The following AGBL4 variants were observed in gnomAD, a reference collection of about 807,000 sequenced individuals.
AGBL4 encodes AGBL carboxypeptidase 4.
AGBL4 carries 58 observed loss-of-function variants against 66.4 expected under a neutral mutation model. The ratio of observed to expected loss-of-function variants is 0.87; its 90% confidence interval spans 0.71 to 1.09. The LOEUF is 1.09. Among genes scored for constraint, AGBL4 ranks in the 50% least tolerant of loss-of-function variants. The pLI, the probability that AGBL4 is intolerant of heterozygous loss-of-function variation, is 0.00. For missense variants in AGBL4, 579 were observed against 631.0 expected (o/e 0.92, Z 0.88); for synonymous variants, 234 against 222.9 (o/e 1.05, Z -0.44).
chr1:49,585,658 G>C (rs1459824517), intron 3 of AGBL4, among the ~76,000 whole-genome samples: 1 of 152,118 alleles, frequency 6.6e-6, no homozygotes. Flanking sequence ...ACACAGCTAA[G>C]TCATGTCTGA....
intron 6 of AGBL4, among the ~76,000 whole-genome samples, chr1:48,707,833 C>T (rs746474069): frequency 6.6e-6 from 1 of 152,124 alleles, no homozygotes; most frequent in Non-Finnish European, 1.5e-5. Flanking sequence ...ACATGCCTGA[C>T]CGGGGTGATT....
At chr1:49,199,611 A>G (rs979572458) in intron 4 of AGBL4, among the ~76,000 whole-genome samples, 3 of 152,178 alleles carry the variant, frequency 2.0e-5, no homozygotes. Context: ...TCTTATGTAG[A>G]CTACTAGTCT....
At chr1:48,538,819 T>C (rs941461809) in intron 12 of AGBL4, among the ~76,000 whole-genome samples, 1 of 152,190 alleles carries the variant, frequency 6.6e-6, no homozygotes, top group Non-Finnish European at 1.5e-5. Flanking sequence ...AGCAAGGTCA[T>C]GGCAAAGGTC....
chr1:49,434,705 G>A (rs868768320), intron 3 of AGBL4, among the ~76,000 whole-genome samples: 2 of 150,878 alleles, frequency 1.3e-5, no homozygotes, highest in African/African-American at 4.9e-5. Context: ...GGTGGTGGTG[G>A]TGCTGGTGGT....
chr1:49,793,651 CATT>C (rs1351017968), intron 2 of AGBL4, among the ~76,000 whole-genome samples: 1 of 151,782 alleles, frequency 6.6e-6, no homozygotes, highest in African/African-American at 2.4e-5. Flanking sequence ...CTTTGGATCT[CATT>C]TTTTTTAATG....
chr1:49,870,497 T>G lies in AGBL4; in HGVS notation c.35-18979A>C, dbSNP rs144035630. Among the ~76,000 whole-genome samples, 505 of 151,426 alleles carry G rather than the reference T, an allele frequency of 3.3e-3. 5 individuals carry two copies. The highest frequency in any genetic ancestry group is 0.012 in the African/African-American group (488 of 41,280). ...GATTGAGGCGATGAGTGCCTCATTC[T>G]CAATGATATGATTATTACACATTGC... On this transcript the variant is annotated intron_variant, in intron 1 of 13. Coordinates refer to ENST00000371839, the MANE Select transcript of AGBL4 (RefSeq NM_032785.4).
intron 5 of AGBL4, among the ~76,000 whole-genome samples, chr1:48,980,247 T>C (rs746188825): frequency 1.4e-4 from 22 of 152,146 alleles, no homozygotes; most frequent in Admixed American, 3.9e-4. Flanking sequence ...TAAATGGCTA[T>C]AGGAGCTAAA....
intron 4 of AGBL4, among the ~76,000 whole-genome samples, chr1:49,217,624 C>CT (rs1202569190): frequency 2.6e-5 from 4 of 152,092 alleles, no homozygotes; most frequent in Non-Finnish European, 5.9e-5. Context: ...CTGAGTGCAT[C>CT]TCATTTTTCT....
chr1:49,185,028 T>G (rs372079183), intron 4 of AGBL4, among the ~76,000 whole-genome samples: 1 of 152,212 alleles, frequency 6.6e-6, no homozygotes, highest in Non-Finnish European at 1.5e-5. Flanking sequence ...ACAATAATCG[T>G]TGGCATTAAA....
At chr1:48,689,898 C>A (rs991955441) in intron 6 of AGBL4, among the ~76,000 whole-genome samples, 3 of 152,154 alleles carry the variant, frequency 2.0e-5, no homozygotes, top group African/African-American at 7.2e-5. Flanking sequence ...GAGTGAGAGA[C>A]CCTGTCTGAA....
At chr1:49,186,715 C>T (rs1183243445) in intron 4 of AGBL4, among the ~76,000 whole-genome samples, 1 of 152,148 alleles carries the variant, frequency 6.6e-6, no homozygotes, top group Non-Finnish European at 1.5e-5. Context: ...GAAGGACAAA[C>T]ATTTTACTCA....
At chr1:48,527,495 G>A in the AGBL4 span, among the ~76,000 whole-genome samples, 2 of 151,826 alleles carry the variant, frequency 1.3e-5, no homozygotes, top group Non-Finnish European at 2.9e-5. Flanking sequence ...TACTCAGGAC[G>A]CTGAGGCAGG....
intron 3 of AGBL4, among the ~76,000 whole-genome samples, chr1:49,471,785 AT>A (rs1646751178): frequency 6.6e-6 from 1 of 151,958 alleles, no homozygotes. Context: ...CTGTGACCCT[AT>A]TATACTCACA....
At position 49,569,892 on chromosome 1, in the gene AGBL4, A is replaced by C. The variant is rs979382839; in HGVS notation, c.282+127421T>G. Among the ~76,000 whole-genome samples the C allele has an allele frequency of 6.6e-5, 10 of 152,272 alleles. No homozygotes were observed. The East Asian group carries it at 1.5e-3, about 24-fold the overall frequency. ...AAGATAATGGCCTCCAGTTCCATACATGCTGCAGCAAAAGACATGATTTCA... is the reference window on the plus strand; with the variant it reads ...AAGATAATGGCCTCCAGTTCCATACCTGCTGCAGCAAAAGACATGATTTCA... On this transcript the variant is annotated intron_variant, in intron 3 of 13. Transcript: ENST00000371839.
chr1:50,000,745 G>T (rs1660686313), intron 1 of AGBL4, among the ~76,000 whole-genome samples: 1 of 152,046 alleles, frequency 6.6e-6, no homozygotes, highest in Non-Finnish European at 1.5e-5. Flanking sequence ...GCCATAAAAA[G>T]GAACTAAATA....
At chr1:49,163,440 T>C (rs1646575232) in intron 4 of AGBL4, among the ~76,000 whole-genome samples, 1 of 152,210 alleles carries the variant, frequency 6.6e-6, no homozygotes. Context: ...AGTACTTGGT[T>C]CCTTCCTATT....
intron 5 of AGBL4, among the ~76,000 whole-genome samples, chr1:48,999,835 C>A (rs111792920): frequency 2.6e-4 from 39 of 152,256 alleles, no homozygotes; most frequent in East Asian, 3.9e-4. Context: ...TACCAGCCCC[C>A]CTTAGACCCC....
At chr1:49,298,398 C>T (rs1054483361) in intron 3 of AGBL4, among the ~76,000 whole-genome samples, 8 of 152,186 alleles carry the variant, frequency 5.3e-5, no homozygotes, top group Non-Finnish European at 8.8e-5. Context: ...GAGTTATTAC[C>T]GTCATCATCT....
chr1:49,161,621 C>T (rs1215935464), intron 4 of AGBL4, among the ~76,000 whole-genome samples: 1 of 152,154 alleles, frequency 6.6e-6, no homozygotes, highest in Non-Finnish European at 1.5e-5. Context: ...ATTCTAGTTT[C>T]ACATCTGGAC....
Sources: gnomAD v4.1 joint callset for allele counts (sites outside exome capture counted in the v4.1 genomes callset) on GRCh38, gnomAD v4.1.1 for gene constraint, MANE v1.5 for transcripts, NCBI Gene and HGNC (gene_info 2026-07-23, HGNC 2026-07-21) for gene names.